The following YARS1 variants were observed in gnomAD, a reference collection of about 807,000 sequenced individuals.
The protein encoded by YARS1 is tyrosyl-tRNA synthetase 1.
A neutral mutation model predicts 62.2 loss-of-function variants in YARS1; 36 were observed. The observed-to-expected ratio is 0.58, with a 90% CI of 0.44 to 0.76. The LOEUF (loss-of-function observed/expected upper bound fraction) is 0.76. Ranked by LOEUF, YARS1 falls within the 30% of genes least tolerant of loss-of-function variation. The probability of loss-of-function intolerance (pLI) is 0.00; values close to 1 mark genes in which losing one functional copy is unlikely to be tolerated. For missense variants in YARS1, 524 were observed against 639.8 expected, an observed-to-expected ratio of 0.82 and a Z score of 1.95; for synonymous variants, 234 against 244.9, an observed-to-expected ratio of 0.96 and a Z score of 0.42.
At chr1:32,782,148 T>C (rs1003317089) in intron 9 of YARS1, 1 of 550,336 alleles carries the variant, frequency 1.8e-6, no homozygotes, top group Non-Finnish European at 3.2e-6. Flanking sequence ...ACAAACAGAC[T>C]AGAAGGACCA....
At chr1:32,802,154 A>G (rs1248461547) in intron 4 of YARS1, among the ~76,000 whole-genome samples, 4 of 151,868 alleles carry the variant, frequency 2.6e-5, no homozygotes. Flanking sequence ...TCACCGTTTT[A>G]GCCCGGATGG....
intron 4 of YARS1, among the ~76,000 whole-genome samples, chr1:32,801,942 C>CTTTTTTTTT (rs34270752): frequency 1.4e-4 from 15 of 103,896 alleles, no homozygotes; most frequent in African/African-American, 2.5e-4. Flanking sequence ...CTTGTTATTT[C>CTTTTTTTTT]TTTTTTTTTT....
At chr1:32,808,221 ATT>A (rs58621825) in intron 3 of YARS1, among the ~76,000 whole-genome samples, 15 of 118,296 alleles carry the variant, frequency 1.3e-4, no homozygotes, top group Non-Finnish European at 1.3e-4. Context: ...CTCCCCCACC[ATT>A]TTTTTTTTTT....
rs1381663611 is a variant in YARS1 at position 32,786,950 on chromosome 1, G to C, written c.810C>G (p.Pro270=). 2 of 1,613,926 alleles carry C rather than the reference G, an allele frequency of 1.2e-6. No individual in the cohort carries two copies. The highest frequency in any genetic ancestry group is 8.5e-7 in the Non-Finnish European group (1 of 1,180,016). The change falls in exon 7 of 13, where the codon CCC becomes CCG. Residue 270 remains proline, a synonymous_variant. Coordinates refer to ENST00000373477, the MANE Select transcript of YARS1 (RefSeq NM_003680.4). ...AACAGAGAGTGTTACCGGACTTAAG[G>C]GGAAAAAGGACATGCTTGATGAAGG... ...VLSFIKHVLF[P]LKSEFVILRD...
At chr1:32,809,170 T>C (rs1235451769) in intron 3 of YARS1, among the ~76,000 whole-genome samples, 1 of 152,014 alleles carries the variant, frequency 6.6e-6, no homozygotes, top group African/African-American at 2.4e-5. Context: ...CACCGCAACC[T>C]CCACCTCCTG....
chr1:32,786,288 ACAAGTTCTAAC>A, intron 8 of YARS1, 63 bp downstream of exon 8: 5 of 1,453,290 alleles, frequency 3.4e-6, no homozygotes, highest in Non-Finnish European at 4.8e-6. Context: ...GTTGTTCTAA[ACAAGTTCTAAC>A]AGTCAGCAAA....
chr1:32,798,463 A>G (rs1653674770), intron 4 of YARS1, among the ~76,000 whole-genome samples: 1 of 152,230 alleles, frequency 6.6e-6, no homozygotes, highest in Non-Finnish European at 1.5e-5. Flanking sequence ...TCTACTGAAT[A>G]AGGTGGCCTG....
At position 32,817,302 on chromosome 1, in the gene YARS1, A is replaced by G; in HGVS notation, c.-58T>C. ...CGGCACCAGAGCCCCTTCCTGGGTC[A>G]CCGTCGCCGCCGCGTGCCGGGAACT... On this transcript the variant is annotated 5_prime_UTR_variant, in exon 1 of 13. The change abolishes the stop of an existing upstream ORF in the 5' untranslated region. Transcript: ENST00000373477. 2 of 1,604,068 alleles carry G rather than the reference A, an allele frequency of 1.2e-6. No homozygotes were observed. Among genetic ancestry groups the G allele is most frequent in the Non-Finnish European group, 1.7e-6 (2 of 1,173,706 alleles).
intron 8 of YARS1, 41 bp downstream of exon 8, chr1:32,786,321 T>C (rs1226870771): frequency 2.5e-6 from 4 of 1,594,886 alleles, no homozygotes; most frequent in Non-Finnish European, 2.6e-6. Context: ...AATAACAAAA[T>C]ACAGATCTTC....
chr1:32,785,498 G>C (rs1477256389), intron 8 of YARS1, among the ~76,000 whole-genome samples: 1 of 151,880 alleles, frequency 6.6e-6, no homozygotes, highest in Non-Finnish European at 1.5e-5. Context: ...GAGCCCTGTA[G>C]CATATAACTA....
intron 3 of YARS1, among the ~76,000 whole-genome samples, chr1:32,810,108 A>AG (rs1481237113): frequency 1.3e-5 from 2 of 149,606 alleles, no homozygotes; most frequent in Non-Finnish European, 3.0e-5. Flanking sequence ...CTCCACCTCA[A>AG]AAAAAAAAAA....
chr1:32,786,531 G>C, intron 7 of YARS1, 84 bp from the exon 8 acceptor site: 1 of 1,080,196 alleles, frequency 9.3e-7, no homozygotes, highest in South Asian at 1.4e-5. Flanking sequence ...CCACATGCAT[G>C]ACTATTTGTA....
rs201644360 is a variant in YARS1, at chr1:32,784,008, CT to C, written c.907-1470del. On this transcript the variant is annotated intron_variant, in intron 8 of 12. Transcript: ENST00000373477. ...ATCTATTCCTAATTCCCACAAAAGA[CT>C]TTTTTTTTTTTTTTGAGACATGGTC... Among the ~76,000 whole-genome samples the C allele has an allele frequency of 4.5e-3, 640 of 141,720 alleles. 1 individual carries two copies. Among genetic ancestry groups the C allele is most frequent in the Middle Eastern group, 7.2e-3 (2 of 278 alleles). 93.0% of individuals were successfully genotyped at this position (141,720 alleles called of 152,430 possible).
At chr1:32,799,282 A>G (rs1476918805) in intron 4 of YARS1, among the ~76,000 whole-genome samples, 1 of 152,188 alleles carries the variant, frequency 6.6e-6, no homozygotes, top group East Asian at 1.9e-4. Context: ...AAAAGTAGGT[A>G]AAGACCATGA....
chr1:32,804,477 G>C (rs891573303), intron 4 of YARS1, among the ~76,000 whole-genome samples: 1 of 151,948 alleles, frequency 6.6e-6, no homozygotes, highest in African/African-American at 2.4e-5. Context: ...CTTCCCAGAC[G>C]GGGCGGCTGC....
At chr1:32,780,354 G>A in intron 10 of YARS1, 76 bp from the exon 11 acceptor site, 1 of 1,568,838 alleles carries the variant, frequency 6.4e-7, no homozygotes, top group Non-Finnish European at 8.7e-7. Flanking sequence ...TTGGATTCCG[G>A]AAAGGAGCAT....
chr1:32,787,576 C>T (rs1253093955), intron 6 of YARS1, among the ~76,000 whole-genome samples: 1 of 151,050 alleles, frequency 6.6e-6, no homozygotes, highest in Non-Finnish European at 1.5e-5. Flanking sequence ...GTGGCGCCAT[C>T]TGAGCTCACT....
At chr1:32,815,200 T>A (rs573211921) in intron 1 of YARS1, among the ~76,000 whole-genome samples, 1 of 152,080 alleles carries the variant, frequency 6.6e-6, no homozygotes, top group Admixed American at 6.6e-5. Context: ...AATACAAAAA[T>A]TAGCCCGGCG....
intron 4 of YARS1, among the ~76,000 whole-genome samples, chr1:32,801,942 CTTTTTTTTT>C (rs34270752): frequency 1.9e-5 from 2 of 103,892 alleles, no homozygotes; most frequent in South Asian, 7.4e-4. Context: ...CTTGTTATTT[CTTTTTTTTT>C]TTTTTTTTTT....
Sources: gnomAD v4.1 joint callset for allele counts (sites outside exome capture counted in the v4.1 genomes callset) on GRCh38, gnomAD v4.1.1 for gene constraint, MANE v1.5 for transcripts, NCBI Gene and HGNC (gene_info 2026-07-23, HGNC 2026-07-21) for gene names.